ETFBKMT: variants seen among roughly 807,000 people sequenced by gnomAD.
ETFBKMT encodes electron transfer flavoprotein beta subunit lysine methyltransferase.
A neutral mutation model predicts 18.3 loss-of-function variants in ETFBKMT; 13 were observed. The ratio of observed to expected loss-of-function variants is 0.71; its 90% CI spans 0.46 to 1.13. The LOEUF is 1.13. Ranked by LOEUF, ETFBKMT falls within the 50% of genes most tolerant of loss-of-function variation. The pLI is 0.00. For missense variants in ETFBKMT, 293 were observed against 306.2 expected (o/e 0.96, Z 0.32); for synonymous variants, 84 against 107.9 (o/e 0.78, Z 1.37).
chr12:31,647,297 CA>C (rs1435682437), intron 1 of ETFBKMT: 1 of 152,268 alleles, frequency 6.6e-6, no homozygotes, highest in African/African-American at 2.4e-5. Flanking sequence ...TTATTTTCTG[CA>C]ATGAACTTGT....
In ETFBKMT at chr12:31,667,817, T is replaced by C. The variant is rs761756915; in HGVS notation, c.616T>C (p.Cys206Arg). ...ADSLHQWLKK[C>R]FWTYRTRVLI... ...TAGTCTTCATCAGTGGCTGAAGAAGTGCTTCTGGACCTATAGAACTCGAGT... is the reference window on the plus strand; with the variant it reads ...TAGTCTTCATCAGTGGCTGAAGAAGCGCTTCTGGACCTATAGAACTCGAGT... Residue 206 changes from cysteine (C) to arginine (R), a missense_variant, in exon 4 of 4, where the codon TGC becomes CGC. Transcript: ENST00000357721. 8.1e-6 allele frequency: 13 copies of C among 1,614,070 alleles called. No homozygotes were observed. Among genetic ancestry groups the C allele is most frequent in the Non-Finnish European group, 1.1e-5 (13 of 1,180,036 alleles).
chr12:31,653,732 G>A (rs1048260582), intron 1 of ETFBKMT, among the ~76,000 whole-genome samples: 2 of 152,190 alleles, frequency 1.3e-5, no homozygotes, highest in Admixed American at 6.5e-5. Flanking sequence ...TGGATCACTT[G>A]AGGCCAGAAG....
Position 31,668,038 on chromosome 12 carries a change from C to T in ETFBKMT, c.*48C>T, listed in dbSNP as rs746884192. The T allele has an allele frequency of 4.1e-6, 6 of 1,475,662 alleles. No individual in the cohort carries two copies. The African/African-American group carries it at 5.6e-5, about 14-fold the overall frequency. 91.4% of individuals were successfully genotyped at this position (1,475,662 alleles called of 1,614,324 possible). A position where few individuals can be genotyped will look rare whatever the true frequency, so the allele number is the denominator to read the frequency against. On this transcript the variant is annotated 3_prime_UTR_variant, in exon 4 of 4. Coordinates refer to ENST00000357721, the MANE Select transcript of ETFBKMT (RefSeq NM_001135863.2). ...TGAATATAGTAATGTTTGGATCTGA[C>T]TCTAAAAGTTTTCTCTATAGGAGAT...
At chr12:31,665,495 T>G (rs1951182562) in intron 2 of ETFBKMT, among the ~76,000 whole-genome samples, 1 of 152,196 alleles carries the variant, frequency 6.6e-6, no homozygotes, top group Non-Finnish European at 1.5e-5. Context: ...TCCTTTTCTT[T>G]TCTTTTTTCT....
chr12:31,651,694 A>G (rs1055448469), intron 1 of ETFBKMT, among the ~76,000 whole-genome samples: 1 of 152,170 alleles, frequency 6.6e-6, no homozygotes, highest in African/African-American at 2.4e-5. Flanking sequence ...AATTGATGCT[A>G]CAATGGACCT....
rs1009607133 is a variant in ETFBKMT at position 31,672,264 on chromosome 12, T to C, written c.*4274T>C. The C allele has an allele frequency of 7.1e-7, 1 of 1,412,766 alleles. No individual in the cohort carries two copies. The highest frequency in any genetic ancestry group is 9.8e-7 in the Non-Finnish European group (1 of 1,020,744). The allele number at this position is 1,412,766 out of a possible 1,614,324, so 87.5% of individuals were successfully genotyped here. A position where few individuals can be genotyped will look rare whatever the true frequency, so the allele number is the denominator to read the frequency against. On this transcript the variant is annotated 3_prime_UTR_variant, in exon 4 of 4. Coordinates refer to ENST00000357721, the MANE Select transcript of ETFBKMT (RefSeq NM_001135863.2). ...TAGATGGTTTCCTGGGAAAGTAGTT[T>C]TGATAAGCTTTCCTAGCATTGATCA...
chr12:31,672,287 T>C lies in ETFBKMT; in HGVS notation c.*4297T>C. The C allele has an allele frequency of 6.4e-7, 1 of 1,552,838 alleles. No individual in the cohort carries two copies. The highest frequency in any genetic ancestry group is 1.2e-5 in the South Asian group (1 of 84,642). On this transcript the variant is annotated 3_prime_UTR_variant, in exon 4 of 4. Coordinates refer to ENST00000357721, the MANE Select transcript of ETFBKMT (RefSeq NM_001135863.2). ...TTTTGATAAGCTTTCCTAGCATTGA[T>C]CATCTTCAAAAAAGCATCAATAAAC...
chr12:31,651,613 T>C (rs1256462612), intron 1 of ETFBKMT, among the ~76,000 whole-genome samples: 7 of 152,270 alleles, frequency 4.6e-5, no homozygotes, highest in Middle Eastern at 3.4e-3. Flanking sequence ...ATTACAGACA[T>C]GGGCCACCGC....
chr12:31,666,817 ATT>A (rs1215263554), intron 3 of ETFBKMT, among the ~76,000 whole-genome samples: 1 of 140,186 alleles, frequency 7.1e-6, no homozygotes. Flanking sequence ...TGCCTGGCTA[ATT>A]TTTTTTTTTT....
At chr12:31,662,307 T>C (rs1565749554) in intron 2 of ETFBKMT, 40 bp downstream of exon 2, 1 of 1,587,656 alleles carries the variant, frequency 6.3e-7, no homozygotes, top group East Asian at 2.2e-5. Context: ...TACAGATCTT[T>C]GCTGTTTTCA....
chr12:31,659,777 G>A lies in ETFBKMT; in HGVS notation c.-126G>A, dbSNP rs1951095623. ...AACACCCACTGGAAGTCTACGCTGA[G>A]TTCACAGGCTATGTATGACCTGACA... On this transcript the variant is annotated 5_prime_UTR_variant, in exon 1 of 4. Coordinates refer to ENST00000357721, the MANE Select transcript of ETFBKMT (RefSeq NM_001135863.2). 1 of 152,200 alleles carries A rather than the reference G, an allele frequency of 6.6e-6. No individual in the cohort carries two copies. Among genetic ancestry groups the A allele is most frequent in the African/African-American group, 2.4e-5 (1 of 41,450 alleles). The allele number at this position is 152,200 out of a possible 1,614,324, so 9.4% of individuals were successfully genotyped here. A position where few individuals can be genotyped will look rare whatever the true frequency, so the allele number is the denominator to read the frequency against.
Position 31,666,526 on chromosome 12 carries a change from T to C in ETFBKMT, c.445+309T>C, listed in dbSNP as rs190040316. 1.8e-4 allele frequency among the ~76,000 whole-genome samples: 27 copies of C among 152,338 alleles called. No homozygotes were observed. The East Asian group carries it at 5.0e-3, about 28-fold the overall frequency. On this transcript the variant is annotated intron_variant, in intron 3 of 3. Transcript: ENST00000357721. ...CCAAACCCAAGTGAGTATTGACCTG[T>C]CTTTGAGGGTTATTTTTATTCCATT...
intron 1 of ETFBKMT, among the ~76,000 whole-genome samples, chr12:31,652,100 TA>T (rs1388418032): frequency 6.6e-6 from 1 of 152,180 alleles, no homozygotes; most frequent in African/African-American, 2.4e-5. Flanking sequence ...GCGCACAGTG[TA>T]AACGTCATAC....
At chr12:31,656,169 G>C (rs1951060368), upstream of ETFBKMT, among the ~76,000 whole-genome samples, 1 of 152,124 alleles carries the variant, frequency 6.6e-6, no homozygotes, top group Non-Finnish European at 1.5e-5. Flanking sequence ...TATGCTTGTT[G>C]TACATGCCCA....
intron 2 of ETFBKMT, among the ~76,000 whole-genome samples, chr12:31,664,616 CT>C (rs59300091): frequency 0.019 from 2,510 of 132,952 alleles, 48 homozygotes; most frequent in African/African-American, 0.063. Context: ...CTTTTTCTTT[CT>C]TTTTTTTTTT....
intron 1 of ETFBKMT, among the ~76,000 whole-genome samples, chr12:31,653,377 T>C (rs1951033534): frequency 6.6e-6 from 1 of 152,198 alleles, no homozygotes; most frequent in Non-Finnish European, 1.5e-5. Flanking sequence ...ACCACAGTCT[T>C]AGTTAGCTGA....
In ETFBKMT at chr12:31,661,717, C is replaced by T. The variant is rs184925471; in HGVS notation, c.-113-124C>T. 7 of 431,598 alleles carry T rather than the reference C, an allele frequency of 1.6e-5. No homozygotes were observed. In the East Asian group the frequency reaches 3.1e-4, roughly 19 times the overall value. 26.7% of individuals were successfully genotyped at this position (431,598 alleles called of 1,614,324 possible). ...CTCGTGATCCACCCGCCTTGGCCTCCCAAAGTGCAGGGATTACAGGCGTGA... is the reference window on the plus strand; with the variant it reads ...CTCGTGATCCACCCGCCTTGGCCTCTCAAAGTGCAGGGATTACAGGCGTGA... On this transcript the variant is annotated intron_variant, in intron 1 of 3. Transcript: ENST00000357721.
intron 1 of ETFBKMT, among the ~76,000 whole-genome samples, chr12:31,647,909 T>A (rs1026484903): frequency 6.6e-6 from 1 of 152,106 alleles, no homozygotes; most frequent in African/African-American, 2.4e-5. Flanking sequence ...CCTTCATAAA[T>A]TGCTGGTGAG....
At chr12:31,648,261 A>G (rs1208992810) in intron 1 of ETFBKMT, among the ~76,000 whole-genome samples, 12 of 152,236 alleles carry the variant, frequency 7.9e-5, no homozygotes, top group Admixed American at 7.2e-4. Flanking sequence ...GAGGATATCA[A>G]AATCCATGGA....
Sources: gnomAD v4.1 joint callset for allele counts (sites outside exome capture counted in the v4.1 genomes callset) on GRCh38, gnomAD v4.1.1 for gene constraint, MANE v1.5 for transcripts, NCBI Gene and HGNC (gene_info 2026-07-23, HGNC 2026-07-21) for gene names.